Variants in B4GALT5 observed in about 807,000 individuals in gnomAD.
The protein encoded by B4GALT5 is beta-1,4-galactosyltransferase 5, also known as UDP-Gal:beta-GlcNAc beta-1,4-galactosyltransferase 5.
In B4GALT5, 11 loss-of-function variants were observed where a neutral mutation model predicts 45.0. The observed-to-expected ratio is 0.24, with a 90% confidence interval of 0.15 to 0.40. The LOEUF is 0.40. B4GALT5 is among the 10% of genes least tolerant of loss of function. The probability of loss-of-function intolerance (pLI) is 1.00; values close to 1 mark genes in which losing one functional copy is unlikely to be tolerated. For missense variants in B4GALT5, 337 were observed against 500.2 expected (o/e 0.67, Z 3.11); for synonymous variants, 185 against 182.9 (o/e 1.01, Z -0.09).
intron 1 of B4GALT5, among the ~76,000 whole-genome samples, chr20:49,676,047 C>G (rs2085735752): frequency 6.6e-6 from 1 of 151,660 alleles, no homozygotes. Context: ...ACCCAACCCC[C>G]CCAGACAAAG....
intron 1 of B4GALT5, among the ~76,000 whole-genome samples, chr20:49,667,608 C>A (rs1328490002): frequency 6.6e-6 from 1 of 151,974 alleles, no homozygotes; most frequent in Admixed American, 6.6e-5. Flanking sequence ...TGCAGTGGCA[C>A]GATCATGGCT....
At chr20:49,653,777 G>A (rs557394778) in intron 2 of B4GALT5, among the ~76,000 whole-genome samples, 2 of 152,340 alleles carry the variant, frequency 1.3e-5, no homozygotes, top group South Asian at 2.1e-4. Flanking sequence ...AAAATAGATT[G>A]TTCTAACCAG....
chr20:49,654,960 GC>G (rs1285486153), intron 2 of B4GALT5, among the ~76,000 whole-genome samples: 9 of 151,894 alleles, frequency 5.9e-5, no homozygotes, highest in Admixed American at 2.0e-4. Context: ...ACAAAAATTA[GC>G]CATGTCTACA....
At chr20:49,640,081 CAT>C (rs1456913802) in intron 6 of B4GALT5, among the ~76,000 whole-genome samples, 4 of 152,148 alleles carry the variant, frequency 2.6e-5, no homozygotes, top group South Asian at 4.1e-4. Context: ...TCTATATTAA[CAT>C]GTTTCATCAC....
rs2085546839 is a variant in B4GALT5 at position 49,635,256 on chromosome 20, G to T, written c.*1056C>A. 1 of 137,722 alleles carries T rather than the reference G, an allele frequency of 7.3e-6. No individual in the cohort carries two copies. The highest frequency in any genetic ancestry group is 1.5e-5 in the Non-Finnish European group (1 of 65,776). 8.5% of individuals were successfully genotyped at this position (137,722 alleles called of 1,614,324 possible). Reference sequence around the variant, plus strand: ...CCCCCGCCCCCCGCCCCGCCATGCTGATGAAAAGACAGAACACGAAGCCTG... The same window carrying T: ...CCCCCGCCCCCCGCCCCGCCATGCTTATGAAAAGACAGAACACGAAGCCTG... On this transcript the variant is annotated 3_prime_UTR_variant, in exon 9 of 9. Transcript: ENST00000371711.
Position 49,636,191 on chromosome 20 carries a change from T to C in B4GALT5, c.*121A>G. On this transcript the variant is annotated 3_prime_UTR_variant, in exon 9 of 9. Coordinates refer to ENST00000371711, the MANE Select transcript of B4GALT5 (RefSeq NM_004776.4). ...CACATTTTCCCCCTGAACTCTGTGA[T>C]CCTTCATGAGACACAGTATTTCTGT... 5 of 1,300,632 alleles carry C rather than the reference T, an allele frequency of 3.8e-6. No homozygotes were observed. In the South Asian group the frequency reaches 6.9e-5, roughly 18 times the overall value. The allele number at this position is 1,300,632 out of a possible 1,614,324, so 80.6% of individuals were successfully genotyped here.
At chr20:49,678,756 A>C (rs986754948) in intron 1 of B4GALT5, among the ~76,000 whole-genome samples, 4 of 152,050 alleles carry the variant, frequency 2.6e-5, no homozygotes, top group African/African-American at 9.7e-5. Flanking sequence ...GTACTCTCAT[A>C]GAAAAACAAG....
chr20:49,691,152 G>A (rs2085809275), intron 1 of B4GALT5, among the ~76,000 whole-genome samples: 1 of 152,118 alleles, frequency 6.6e-6, no homozygotes, highest in Non-Finnish European at 1.5e-5. Context: ...CTATAGATGG[G>A]AAAAATGAGT....
chr20:49,710,644 T>G (rs938167069), intron 1 of B4GALT5, among the ~76,000 whole-genome samples: 1 of 152,052 alleles, frequency 6.6e-6, no homozygotes. Flanking sequence ...GGACTTGAAC[T>G]CCTGACCTCA....
chr20:49,710,389 CTGTTATTT>C (rs2085902598), intron 1 of B4GALT5, among the ~76,000 whole-genome samples: 1 of 142,116 alleles, frequency 7.0e-6, no homozygotes, highest in Non-Finnish European at 1.5e-5. Context: ...ATGTTATTTT[CTGTTATTT>C]TCTCTCTCTT....
rs1256904419 is a variant in B4GALT5, at chr20:49,695,762, C to A, written c.115+17814G>T. Among the ~76,000 whole-genome samples, 7 of 149,438 alleles carry A rather than the reference C, an allele frequency of 4.7e-5. No individual in the cohort carries two copies. In the East Asian group the frequency reaches 1.4e-3, roughly 30 times the overall value. On this transcript the variant is annotated intron_variant, in intron 1 of 8. Transcript: ENST00000371711. Reference sequence around the variant, plus strand: ...TAGCAGAACTATTTAATATAATCACCTTTGTAGAAAAGAATAAACTGCATG... The same window carrying A: ...TAGCAGAACTATTTAATATAATCACATTTGTAGAAAAGAATAAACTGCATG...
chr20:49,678,267 C>T (rs1472967426), intron 1 of B4GALT5, among the ~76,000 whole-genome samples: 1 of 152,214 alleles, frequency 6.6e-6, no homozygotes. Flanking sequence ...AACTTGGTTA[C>T]TAATTTCGCA....
In B4GALT5 at chr20:49,635,318, G is replaced by A. The variant is rs1022239108; in HGVS notation, c.*994C>T. ...ATGTGTGTGCAGCGAGCCCCGAAGG[G>A]CCTGCTTTAGGCAGGAAGCAGCCTG... is the stretch of plus-strand genomic sequence containing the variant. On this transcript the variant is annotated 3_prime_UTR_variant, in exon 9 of 9. Transcript: ENST00000371711. The A allele has an allele frequency of 1.3e-5, 2 of 151,454 alleles. No homozygotes were observed. The highest frequency in any genetic ancestry group is 2.9e-5 in the Non-Finnish European group (2 of 67,938). 9.4% of individuals were successfully genotyped at this position (151,454 alleles called of 1,614,324 possible).
At chr20:49,703,056 C>G (rs1012818062) in intron 1 of B4GALT5, among the ~76,000 whole-genome samples, 1 of 151,240 alleles carries the variant, frequency 6.6e-6, no homozygotes, top group African/African-American at 2.4e-5. Flanking sequence ...TGCCTGTAGT[C>G]CCAGCTACTC....
chr20:49,647,832 T>C (rs540528309), intron 2 of B4GALT5, among the ~76,000 whole-genome samples: 12 of 152,030 alleles, frequency 7.9e-5, no homozygotes, highest in African/African-American at 2.9e-4. Context: ...ATGCCAAATG[T>C]GCTTGGGGGG....
At chr20:49,701,596 G>A (rs559600582) in intron 1 of B4GALT5, among the ~76,000 whole-genome samples, 1 of 152,112 alleles carries the variant, frequency 6.6e-6, no homozygotes, top group Non-Finnish European at 1.5e-5. Context: ...AGGAAGGCAC[G>A]GGGAAACAGA....
intron 1 of B4GALT5, among the ~76,000 whole-genome samples, chr20:49,658,045 A>C (rs2085650477): frequency 6.6e-6 from 1 of 152,202 alleles, no homozygotes; most frequent in Admixed American, 6.5e-5. Flanking sequence ...AGCAAAAAGG[A>C]CCAGTGTTCA....
intron 1 of B4GALT5, among the ~76,000 whole-genome samples, chr20:49,701,197 C>T (rs1161222109): frequency 6.6e-6 from 1 of 152,140 alleles, no homozygotes; most frequent in East Asian, 1.9e-4. Context: ...CAAAATCAGG[C>T]AAATGCAAAG....
intron 1 of B4GALT5, among the ~76,000 whole-genome samples, chr20:49,661,559 A>G (rs1018958538): frequency 3.3e-5 from 5 of 152,202 alleles, no homozygotes; most frequent in Admixed American, 2.0e-4. Flanking sequence ...TGAAAGCAGT[A>G]CTTTCTAATA....
Sources: gnomAD v4.1 joint callset for allele counts (sites outside exome capture counted in the v4.1 genomes callset) on GRCh38, gnomAD v4.1.1 for gene constraint, MANE v1.5 for transcripts, NCBI Gene and HGNC (gene_info 2026-07-23, HGNC 2026-07-21) for gene names.